Variants in NALCN observed in about 807,000 individuals in gnomAD.
The protein encoded by NALCN is sodium leak channel, non-selective.
Under a neutral mutation model 225.3 loss-of-function variants are expected in NALCN, and 111 were observed. The observed-to-expected ratio is 0.49, with a 90% CI of 0.42 to 0.58. The LOEUF (loss-of-function observed/expected upper bound fraction) is 0.58, where lower values mean the gene tolerates loss of function less well. Ranked by LOEUF, NALCN falls within the 20% of genes least tolerant of loss-of-function variation. NALCN has a pLI of 0.00. For missense variants in NALCN, 1,378 were observed against 2,202.4 expected (o/e 0.63, Z 7.49); for synonymous variants, 764 against 769.0 (o/e 0.99, Z 0.11).
chr13:101,408,993 T>C (rs2047703162), intron 1 of NALCN, among the ~76,000 whole-genome samples: 1 of 152,338 alleles, frequency 6.6e-6, no homozygotes, highest in East Asian at 1.9e-4. Context: ...AAACAGCAGG[T>C]TATTTTTCTC....
At chr13:101,198,916 A>G (rs1460172330) in intron 13 of NALCN, among the ~76,000 whole-genome samples, 1 of 152,090 alleles carries the variant, frequency 6.6e-6, no homozygotes, top group Non-Finnish European at 1.5e-5. Context: ...GATAGACTGG[A>G]TTAAGAAAAT....
intron 17 of NALCN, among the ~76,000 whole-genome samples, chr13:101,130,313 C>T (rs2036454638): frequency 6.6e-6 from 1 of 152,150 alleles, no homozygotes; most frequent in Non-Finnish European, 1.5e-5. Flanking sequence ...TAAGGGTTTG[C>T]ATATCTTCTT....
At chr13:101,270,024 A>AT (rs1019806400) in intron 10 of NALCN, among the ~76,000 whole-genome samples, 1 of 151,886 alleles carries the variant, frequency 6.6e-6, no homozygotes, top group Non-Finnish European at 1.5e-5. Context: ...TCCAACCATT[A>AT]TTTTTTTTAG....
chr13:101,162,126 C>T (rs1486278807), intron 15 of NALCN, among the ~76,000 whole-genome samples: 1 of 152,166 alleles, frequency 6.6e-6, no homozygotes, highest in Non-Finnish European at 1.5e-5. Context: ...TTCATCCTCA[C>T]CCCTGACCAC....
intron 6 of NALCN, among the ~76,000 whole-genome samples, chr13:101,366,545 G>A (rs919381302): frequency 3.3e-5 from 5 of 152,010 alleles, no homozygotes; most frequent in African/African-American, 4.8e-5. Context: ...ATGAGGTCAC[G>A]GCAGTAGCTG....
chr13:101,132,138 C>G (rs1431089998), intron 17 of NALCN, among the ~76,000 whole-genome samples: 2 of 151,912 alleles, frequency 1.3e-5, no homozygotes, highest in African/African-American at 4.8e-5. Flanking sequence ...GATATTCATT[C>G]AGGGCTAAAT....
chr13:101,152,926 CT>C (rs1246767452), intron 15 of NALCN, among the ~76,000 whole-genome samples: 1 of 152,058 alleles, frequency 6.6e-6, no homozygotes, highest in African/African-American at 2.4e-5. Context: ...CAACTAGATA[CT>C]TGGTTCTTAT....
intron 15 of NALCN, among the ~76,000 whole-genome samples, chr13:101,152,194 T>G (rs551984346): frequency 2.6e-5 from 4 of 152,216 alleles, no homozygotes; most frequent in African/African-American, 9.6e-5. Context: ...AAAAGCTACA[T>G]TTTTATGTGA....
chr13:101,342,092 G>T lies in NALCN; in HGVS notation c.799+3174C>A, dbSNP rs184323031. Among the ~76,000 whole-genome samples, 34 of 152,238 alleles carry T rather than the reference G, an allele frequency of 2.2e-4. No homozygotes were observed. The East Asian group carries it at 6.2e-3, about 28-fold the overall frequency. The stretch of plus-strand genomic sequence containing the variant: ...TGAGACACTGATTCTGTGACATTTT[G>T]TTACAACAACCAAAATGGATCAAGA... On this transcript the variant is annotated intron_variant, in intron 7 of 43. Coordinates refer to ENST00000251127, the MANE Select transcript of NALCN (RefSeq NM_052867.4).
At chr13:101,124,399 A>C (rs1724939294) in intron 18 of NALCN, among the ~76,000 whole-genome samples, 2 of 152,192 alleles carry the variant, frequency 1.3e-5, no homozygotes. Context: ...TACTTGAAAG[A>C]AAGGCCTACT....
chr13:101,147,257 T>C (rs1007106645), intron 15 of NALCN, among the ~76,000 whole-genome samples: 5 of 152,174 alleles, frequency 3.3e-5, no homozygotes, highest in African/African-American at 1.2e-4. Flanking sequence ...TTCAGCTCTT[T>C]CTAATCTGCT....
chr13:101,209,276 C>A (rs2140069486), intron 13 of NALCN, among the ~76,000 whole-genome samples: 1 of 152,232 alleles, frequency 6.6e-6, no homozygotes, highest in African/African-American at 2.4e-5. Flanking sequence ...TAATAACATC[C>A]AGAAAAATGT....
rs564499378 is a variant in NALCN at position 101,298,868 on chromosome 13, T to C, written c.800-6502A>G. Reference sequence around the variant, plus strand: ...TCACCAGTGGCCCTTGTTGGAAAAATTGCCAATTGAGAAACACTTTTCTAA... The same window carrying C: ...TCACCAGTGGCCCTTGTTGGAAAAACTGCCAATTGAGAAACACTTTTCTAA... On this transcript the variant is annotated intron_variant, in intron 7 of 43. Transcript: ENST00000251127. Among the ~76,000 whole-genome samples, 340 of 152,268 alleles carry C rather than the reference T, an allele frequency of 2.2e-3. 2 individuals are homozygous for C. The highest frequency in any genetic ancestry group is 4.1e-3 in the Admixed American group (63 of 15,300).
At chr13:101,273,840 A>T (rs1355564145) in intron 10 of NALCN, among the ~76,000 whole-genome samples, 1 of 146,108 alleles carries the variant, frequency 6.8e-6, no homozygotes, top group Admixed American at 7.1e-5. Context: ...AGCCAAGATC[A>T]CGCCACCGCA....
At chr13:101,311,245 T>C (rs1357029221) in intron 7 of NALCN, among the ~76,000 whole-genome samples, 1 of 151,622 alleles carries the variant, frequency 6.6e-6, no homozygotes. Flanking sequence ...GCTTATCAGC[T>C]TAAGGAGATT....
At chr13:101,250,602 G>C (rs1053919850) in intron 11 of NALCN, among the ~76,000 whole-genome samples, 1 of 151,904 alleles carries the variant, frequency 6.6e-6, no homozygotes, top group Non-Finnish European at 1.5e-5. Flanking sequence ...AAATGTATTG[G>C]AGTCTAAAAT....
intron 3 of NALCN, among the ~76,000 whole-genome samples, chr13:101,394,694 C>T (rs1377386622): frequency 6.6e-6 from 1 of 152,080 alleles, no homozygotes; most frequent in African/African-American, 2.4e-5. Flanking sequence ...CCTTTTGGCC[C>T]CAGACATTTT....
chr13:101,233,405 A>G (rs997896813), intron 12 of NALCN, among the ~76,000 whole-genome samples: 3 of 150,814 alleles, frequency 2.0e-5, no homozygotes, highest in African/African-American at 7.3e-5. Context: ...CAGTGGCGCA[A>G]TCTCAGCTCA....
intron 13 of NALCN, among the ~76,000 whole-genome samples, chr13:101,193,412 C>G (rs139188782): frequency 1.2e-4 from 18 of 152,210 alleles, no homozygotes; most frequent in Admixed American, 1.2e-3. Context: ...GTTCAAGGCC[C>G]AGAACACAGT....
Sources: allele counts gnomAD v4.1 joint callset (sites outside exome capture counted in the v4.1 genomes callset), GRCh38; gene constraint gnomAD v4.1.1; transcripts MANE v1.5; gene names NCBI Gene and HGNC (gene_info 2026-07-23, HGNC 2026-07-21).